The following CDK14 variants were observed in gnomAD, a reference collection of about 807,000 sequenced individuals.
CDK14 encodes cyclin dependent kinase 14.
In CDK14, 34 loss-of-function variants were observed where a neutral mutation model predicts 60.7. The observed-to-expected ratio is 0.56, with a 90% CI of 0.43 to 0.75. The LOEUF is 0.75. CDK14 is among the 30% of genes least tolerant of loss of function. The probability of loss-of-function intolerance (pLI) is 0.00; values close to 1 mark genes in which losing one functional copy is unlikely to be tolerated. For missense variants in CDK14, 482 were observed against 564.1 expected (o/e 0.85, Z 1.47); for synonymous variants, 197 against 203.7 (o/e 0.97, Z 0.28).
chr7:91,023,134 A>T (rs1017373512), intron 10 of CDK14, among the ~76,000 whole-genome samples: 3 of 152,194 alleles, frequency 2.0e-5, no homozygotes, highest in African/African-American at 7.2e-5. Context: ...GAGAATGTCC[A>T]CCATGATGAT....
chr7:91,035,053 G>A (rs1281277759), intron 10 of CDK14, among the ~76,000 whole-genome samples: 3 of 151,674 alleles, frequency 2.0e-5, no homozygotes, highest in South Asian at 2.1e-4. Context: ...AAAATAATTA[G>A]CATTGACACT....
At chr7:90,839,544 C>T (rs1790220628) in intron 5 of CDK14, among the ~76,000 whole-genome samples, 1 of 152,194 alleles carries the variant, frequency 6.6e-6, no homozygotes, top group Admixed American at 6.5e-5. Flanking sequence ...ATGATCTCTA[C>T]TTGCTGCAAT....
At chr7:90,671,460 AT>A (rs955181248) in intron 2 of CDK14, among the ~76,000 whole-genome samples, 2 of 151,998 alleles carry the variant, frequency 1.3e-5, no homozygotes, top group African/African-American at 4.8e-5. Flanking sequence ...TAAAGAAAGA[AT>A]TTTTTTTCCC....
chr7:90,750,258 A>G (rs1803785029), intron 4 of CDK14, among the ~76,000 whole-genome samples: 1 of 152,098 alleles, frequency 6.6e-6, no homozygotes, highest in African/African-American at 2.4e-5. Context: ...AAATAATTAC[A>G]AAAATTATAG....
rs78244660 is a variant in CDK14 at position 90,862,439 on chromosome 7, G to C, written c.545-736G>C. Among the ~76,000 whole-genome samples the C allele has an allele frequency of 2.6e-5, 4 of 151,960 alleles. No homozygotes were observed. The East Asian group carries it at 7.7e-4, about 29-fold the overall frequency. ...AGAGGACATTACTTATTGATAAAAC[G>C]GTCAATTCTCAAAGAAGACATACCA... On this transcript the variant is annotated intron_variant, in intron 5 of 14. Transcript: ENST00000380050.
At position 91,208,212 on chromosome 7, in the gene CDK14, A is replaced by G. The variant is rs892310994; in HGVS notation, c.*1076A>G. ...CATCATTGGGTTCTTACTTTAAGAC[A>G]TCTCCTGGAATAACTGTTCAAATGC... is the stretch of plus-strand genomic sequence containing the variant. On this transcript the variant is annotated 3_prime_UTR_variant, in exon 15 of 15. Transcript: ENST00000380050. 9 of 152,710 alleles carry G rather than the reference A, an allele frequency of 5.9e-5. No individual in the cohort carries two copies. Among genetic ancestry groups the G allele is most frequent in the Middle Eastern group, 3.2e-3 (1 of 316 alleles). The allele number at this position is 152,710 out of a possible 1,614,324, so 9.5% of individuals were successfully genotyped here. A position where few individuals can be genotyped will look rare whatever the true frequency, so the allele number is the denominator to read the frequency against.
chr7:90,653,676 A>T (rs1800694457), intron 2 of CDK14, among the ~76,000 whole-genome samples: 1 of 151,972 alleles, frequency 6.6e-6, no homozygotes, highest in Non-Finnish European at 1.5e-5. Flanking sequence ...TTATTTATTT[A>T]TTTTTATTAT....
At chr7:91,059,862 T>C (rs1011384807) in intron 11 of CDK14, among the ~76,000 whole-genome samples, 2 of 152,270 alleles carry the variant, frequency 1.3e-5, no homozygotes, top group African/African-American at 2.4e-5. Context: ...GGTGTGGTGC[T>C]GAAAAGAATG....
chr7:91,006,065 C>CGTGG, intron 10 of CDK14, among the ~76,000 whole-genome samples: 2 of 152,346 alleles, frequency 1.3e-5, no homozygotes, highest in Middle Eastern at 6.8e-3. Context: ...CAGCCATCCA[C>CGTGG]GTGGGTGGAC....
chr7:91,098,318 G>A (rs1400243050), intron 12 of CDK14, among the ~76,000 whole-genome samples: 2 of 151,942 alleles, frequency 1.3e-5, no homozygotes, highest in African/African-American at 4.8e-5. Context: ...CATTATTTTT[G>A]GTGATTTTCT....
intron 5 of CDK14, among the ~76,000 whole-genome samples, chr7:90,856,572 A>G (rs1790826019): frequency 6.6e-6 from 1 of 152,196 alleles, no homozygotes; most frequent in African/African-American, 2.4e-5. Flanking sequence ...CAGCGTACGC[A>G]CATGTTCTTT....
At chr7:90,667,399 TC>T (rs1296896154) in intron 2 of CDK14, among the ~76,000 whole-genome samples, 3 of 152,192 alleles carry the variant, frequency 2.0e-5, no homozygotes, top group Non-Finnish European at 4.4e-5. Flanking sequence ...ATTTTTATTA[TC>T]CTAAAAGGTA....
At chr7:90,807,679 G>C (rs991825252) in intron 5 of CDK14, among the ~76,000 whole-genome samples, 2 of 152,160 alleles carry the variant, frequency 1.3e-5, no homozygotes, top group African/African-American at 4.8e-5. Flanking sequence ...AACTAAAGGA[G>C]GAAGTCCGAA....
intron 8 of CDK14, among the ~76,000 whole-genome samples, chr7:90,923,036 G>A (rs1240015941): frequency 6.6e-6 from 1 of 151,664 alleles, no homozygotes; most frequent in Admixed American, 6.6e-5. Flanking sequence ...TTTACATTAG[G>A]GTGACATTTG....
chr7:91,077,725 A>G (rs889125442), intron 11 of CDK14, among the ~76,000 whole-genome samples: 2 of 135,968 alleles, frequency 1.5e-5, no homozygotes, highest in African/African-American at 5.7e-5. Flanking sequence ...AAAAAAGTGT[A>G]TACTTATTTC....
intron 12 of CDK14, among the ~76,000 whole-genome samples, chr7:91,112,007 C>T (rs1799479808): frequency 6.6e-6 from 1 of 152,102 alleles, no homozygotes; most frequent in Non-Finnish European, 1.5e-5. Flanking sequence ...CCTTTGCTAA[C>T]CTGTTTATTA....
At chr7:90,876,010 T>C (rs1255265333) in intron 6 of CDK14, among the ~76,000 whole-genome samples, 1 of 152,222 alleles carries the variant, frequency 6.6e-6, no homozygotes, top group Non-Finnish European at 1.5e-5. Context: ...TAAAACTATG[T>C]TTCCACCAAG....
rs141847107 is a variant in CDK14 at position 90,804,131 on chromosome 7, C to T, written c.544+13479C>T. 7.9e-5 allele frequency among the ~76,000 whole-genome samples: 12 copies of T among 152,220 alleles called. No individual in the cohort carries two copies. In the East Asian group the frequency reaches 1.9e-3, roughly 24 times the overall value. ...CTCAGGCTTCCCCAGAGCAAAAAGGCGATATTGAGAAAGCTCCATAAGCGA... is the reference window on the plus strand; with the variant it reads ...CTCAGGCTTCCCCAGAGCAAAAAGGTGATATTGAGAAAGCTCCATAAGCGA... On this transcript the variant is annotated intron_variant, in intron 5 of 14. Coordinates refer to ENST00000380050, the MANE Select transcript of CDK14 (RefSeq NM_001287135.2).
In CDK14 at chr7:90,957,102, T is replaced by C. The variant is rs1414416992; in HGVS notation, c.947+1285T>C. Among the ~76,000 whole-genome samples the C allele has an allele frequency of 2.0e-5, 3 of 150,490 alleles. No homozygotes were observed. In the East Asian group the frequency reaches 5.8e-4, roughly 29 times the overall value. On this transcript the variant is annotated intron_variant, in intron 9 of 14. Transcript: ENST00000380050. The stretch of plus-strand genomic sequence containing the variant: ...GTGTGCATGTGTCTTTATAGCAGCA[T>C]GATTTATAGTCCTTTGGGTATATAC...
Sources: gnomAD v4.1 joint callset for allele counts (sites outside exome capture counted in the v4.1 genomes callset) on GRCh38, gnomAD v4.1.1 for gene constraint, MANE v1.5 for transcripts, NCBI Gene and HGNC (gene_info 2026-07-23, HGNC 2026-07-21) for gene names.